The following AFF2 variants were observed in gnomAD, a reference collection of about 807,000 sequenced individuals.
AFF2 encodes the protein AF4/FMR2 family member 2.
In AFF2, 14 loss-of-function variants were observed where a neutral mutation model predicts 76.9. The observed-to-expected ratio is 0.18, with a 90% CI of 0.12 to 0.28. The LOEUF (loss-of-function observed/expected upper bound fraction) is 0.28, where lower values mean the gene tolerates loss of function less well. AFF2 is among the 10% of genes least tolerant of loss of function. The pLI, the probability that AFF2 is intolerant of heterozygous loss-of-function variation, is 1.00. For missense variants in AFF2, 868 were observed against 1,001.1 expected (o/e 0.87, Z 1.79); for synonymous variants, 398 against 366.7 (o/e 1.09, Z -0.98).
At chrX:148,579,396 C>T (rs1480689978) in intron 1 of AFF2, among the ~76,000 whole-genome samples, 5 of 111,379 alleles carry the variant, frequency 4.5e-5, no homozygotes, top group Non-Finnish European at 7.5e-5. Flanking sequence ...TGCGCATGCA[C>T]AATTTTCTCT....
At chrX:148,813,398 A>C (rs1239590338) in intron 4 of AFF2, among the ~76,000 whole-genome samples, 4 of 112,127 alleles carry the variant, frequency 3.6e-5, no homozygotes, top group African/African-American at 1.3e-4. Context: ...AGATCTTAGA[A>C]ATTAATTCTT....
intron 9 of AFF2, among the ~76,000 whole-genome samples, chrX:148,913,477 A>T (rs1413787031): frequency 1.8e-5 from 2 of 111,959 alleles, no homozygotes; most frequent in East Asian, 5.6e-4. Context: ...AACTTCAAAC[A>T]CGTTAGTTGC....
chrX:148,602,293 A>G (rs781886478), intron 1 of AFF2, among the ~76,000 whole-genome samples: 40 of 111,769 alleles, frequency 3.6e-4, no homozygotes, highest in African/African-American at 1.2e-3. Flanking sequence ...GCGGGGACAG[A>G]TATTGTACAG....
At chrX:148,922,330 A>C (rs1315785131) in intron 9 of AFF2, among the ~76,000 whole-genome samples, 1 of 111,609 alleles carries the variant, frequency 9.0e-6, no homozygotes, top group Non-Finnish European at 1.9e-5. Context: ...TATTTCTTTA[A>C]TTTTCTCAGC....
At chrX:148,725,288 C>G (rs1321415800) in intron 3 of AFF2, among the ~76,000 whole-genome samples, 1 of 111,147 alleles carries the variant, frequency 9.0e-6, no homozygotes, top group African/African-American at 3.3e-5. Flanking sequence ...ACTGAACTCT[C>G]TTAACCTGGA....
intron 3 of AFF2, among the ~76,000 whole-genome samples, chrX:148,707,659 C>G (rs2054903339): frequency 9.1e-6 from 1 of 110,354 alleles, no homozygotes; most frequent in South Asian, 3.8e-4. Flanking sequence ...TATTAATGTT[C>G]AAACTGAGTC....
intron 1 of AFF2, among the ~76,000 whole-genome samples, chrX:148,568,557 A>C (rs1347095484): frequency 2.7e-5 from 3 of 111,837 alleles, no homozygotes; most frequent in African/African-American, 6.5e-5. Context: ...AAGCAGATGC[A>C]TTTTGCTTCA....
intron 1 of AFF2, among the ~76,000 whole-genome samples, chrX:148,626,188 G>A (rs960075412): frequency 5.4e-5 from 6 of 110,824 alleles, no homozygotes; most frequent in Admixed American, 3.9e-4. Context: ...CATGGATGTC[G>A]GGTGGTATTG....
chrX:148,611,049 G>A (rs185775418), intron 1 of AFF2, among the ~76,000 whole-genome samples: 1 of 111,603 alleles, frequency 9.0e-6, no homozygotes, highest in African/African-American at 3.3e-5. Flanking sequence ...ATATTGCTCT[G>A]TCTTCCCAGT....
At chrX:148,917,240 G>C (rs1384710889) in intron 9 of AFF2, among the ~76,000 whole-genome samples, 5 of 111,918 alleles carry the variant, frequency 4.5e-5, no homozygotes, top group Non-Finnish European at 9.4e-5. Flanking sequence ...TCATACTTTT[G>C]ATTCATTCCC....
At chrX:148,712,733 A>T (rs1158643435) in intron 3 of AFF2, among the ~76,000 whole-genome samples, 2 of 112,146 alleles carry the variant, frequency 1.8e-5, no homozygotes, top group South Asian at 3.7e-4. Flanking sequence ...TCATTCATTC[A>T]TTCACGCATT....
intron 20 of AFF2, among the ~76,000 whole-genome samples, chrX:148,990,975 T>C (rs1201893832): frequency 8.9e-6 from 1 of 112,324 alleles, no homozygotes; most frequent in Non-Finnish European, 1.9e-5. Flanking sequence ...ATGTATTATG[T>C]ACTGCAGAGT....
intron 9 of AFF2, among the ~76,000 whole-genome samples, chrX:148,921,373 C>G (rs1211214011): frequency 8.9e-6 from 1 of 111,892 alleles, no homozygotes; most frequent in African/African-American, 3.2e-5. Flanking sequence ...TTTCTCTCAC[C>G]CCCCAAGGGA....
chrX:148,833,096 T>TAC (rs1557273478), intron 4 of AFF2, among the ~76,000 whole-genome samples: 1 of 110,876 alleles, frequency 9.0e-6, no homozygotes, highest in Non-Finnish European at 1.9e-5. Context: ...GTAAAAGGGA[T>TAC]ACACACACAC....
At position 148,967,614 on chromosome X, in the gene AFF2, G is replaced by C; in HGVS notation, c.3204-15G>C. On this transcript the variant is annotated splice_polypyrimidine_tract_variant and intron_variant, in intron 14 of 20. Transcript: ENST00000370460. ...GAAGCATTGGTTTCTGAAAGAGCTT[G>C]TTTTGTTTATTTAGGGTTCACAATG... is the stretch of plus-strand genomic sequence containing the variant. The C allele has an allele frequency of 1.7e-6, 2 of 1,199,808 alleles. No individual in the cohort carries two copies. The highest frequency in any genetic ancestry group is 1.1e-6 in the Non-Finnish European group (1 of 886,578).
Position 148,987,357 on chromosome X carries a change from C to T in AFF2, c.3624-10C>T. On this transcript the variant is annotated splice_polypyrimidine_tract_variant and intron_variant, in intron 19 of 20. Transcript: ENST00000370460. ...CAGCCTAACAAGGCTTGTCTCTTTCCATTTCCCAGGAACACTCCATCCCCA... is the reference window on the plus strand; with the variant it reads ...CAGCCTAACAAGGCTTGTCTCTTTCTATTTCCCAGGAACACTCCATCCCCA... 6.7e-6 allele frequency: 8 copies of T among 1,201,706 alleles called. No homozygotes were observed. The highest frequency in any genetic ancestry group is 9.0e-6 in the Non-Finnish European group (8 of 889,161).
chrX:148,557,462 C>G (rs2053064251), intron 1 of AFF2, among the ~76,000 whole-genome samples: 2 of 111,842 alleles, frequency 1.8e-5, no homozygotes, highest in Non-Finnish European at 3.8e-5. Context: ...GATCAAGGAG[C>G]TGCATCTGGC....
intron 8 of AFF2, among the ~76,000 whole-genome samples, chrX:148,889,769 T>C (rs1435573414): frequency 2.7e-5 from 3 of 111,551 alleles, no homozygotes; most frequent in African/African-American, 9.8e-5. Context: ...GACATGGCTT[T>C]GAATTCTAGC....
chrX:148,958,658 A>C (rs1317955474), intron 12 of AFF2, among the ~76,000 whole-genome samples, 200 bp downstream of exon 12: 2 of 111,905 alleles, frequency 1.8e-5, no homozygotes, highest in Admixed American at 9.5e-5. Flanking sequence ...TGCTGCCAGA[A>C]TTGGGGTGAC....
Sources: allele counts gnomAD v4.1 joint callset (sites outside exome capture counted in the v4.1 genomes callset), GRCh38; gene constraint gnomAD v4.1.1; transcripts MANE v1.5; gene names NCBI Gene and HGNC (gene_info 2026-07-23, HGNC 2026-07-21).